The following DLC1 variants were observed in gnomAD, a reference collection of about 807,000 sequenced individuals.
DLC1 encodes the protein DLC1 Rho GTPase activating protein, also known as rho GTPase-activating protein 7.
A neutral mutation model predicts 140.3 loss-of-function variants in DLC1; 54 were observed. The observed-to-expected ratio is 0.38, with a 90% CI of 0.31 to 0.48. DLC1 has a LOEUF of 0.48. Ranked by LOEUF, DLC1 falls within the 20% of genes least tolerant of loss-of-function variation. The pLI, the probability that DLC1 is intolerant of heterozygous loss-of-function variation, is 0.96. For missense variants in DLC1, 2,536 were observed against 1,907.0 expected, an observed-to-expected ratio of 1.33 and a Z score of -6.14; for synonymous variants, 986 against 728.1, an observed-to-expected ratio of 1.35 and a Z score of -5.70.
chr8:13,518,178 G>A (rs566354160), upstream of DLC1, among the ~76,000 whole-genome samples: 9 of 152,034 alleles, frequency 5.9e-5, no homozygotes, highest in South Asian at 2.1e-4. Context: ...TGGTGATCTC[G>A]GCTCAAGGCA....
intron 2 of DLC1, among the ~76,000 whole-genome samples, chr8:13,479,802 A>AAAGAAGAAGAAGAAGAAGAAGAAGAAG (rs60625191): frequency 1.8e-4 from 10 of 57,000 alleles, no homozygotes; most frequent in Admixed American, 1.0e-3. Context: ...GAAAGAAAGA[A>AAAGAAGAAGAAGAAGAAGAAGAAGAAG]AAGAAGAAGA....
chr8:13,301,421 C>T (rs760551460), intron 5 of DLC1, among the ~76,000 whole-genome samples: 9 of 152,142 alleles, frequency 5.9e-5, no homozygotes, highest in Non-Finnish European at 1.0e-4. Flanking sequence ...AGTGATGCAG[C>T]GAGTGTCCAT....
intron 4 of DLC1, among the ~76,000 whole-genome samples, chr8:13,369,929 G>C (rs1193073835): frequency 7.0e-5 from 10 of 142,116 alleles, no homozygotes; most frequent in African/African-American, 2.6e-4. Context: ...AAAAAAAAAT[G>C]GAAAAAGGAA....
chr8:13,228,862 G>A lies in DLC1; in HGVS notation c.1348+76407C>T, dbSNP rs368072535. On this transcript the variant is annotated intron_variant, in intron 5 of 17. Coordinates refer to ENST00000276297, the MANE Select transcript of DLC1 (RefSeq NM_182643.3). ...TCATCAGCCATGCATACAGAATGGG[G>A]AATGCAAATCAAAGCTGCAAACAGA... is the stretch of plus-strand genomic sequence containing the variant. Among the ~76,000 whole-genome samples, 7 of 152,322 alleles carry A rather than the reference G, an allele frequency of 4.6e-5. No homozygotes were observed. In the South Asian group the frequency reaches 1.5e-3, roughly 32 times the overall value.
At chr8:13,472,782 A>G (rs570046593) in intron 2 of DLC1, among the ~76,000 whole-genome samples, 1 of 152,190 alleles carries the variant, frequency 6.6e-6, no homozygotes, top group Non-Finnish European at 1.5e-5. Context: ...CTGTGTTATA[A>G]CCACTAATCA....
At chr8:13,128,136 T>C (rs988142293) in intron 5 of DLC1, among the ~76,000 whole-genome samples, 16 of 152,200 alleles carry the variant, frequency 1.1e-4, no homozygotes, top group African/African-American at 3.6e-4. Flanking sequence ...GGCTTCACTT[T>C]AGAAGGATGT....
At chr8:13,506,581 G>GTGTGTGTGTGTATATATATA (rs1246764417) in intron 1 of DLC1, among the ~76,000 whole-genome samples, 23 of 131,130 alleles carry the variant, frequency 1.8e-4, no homozygotes, top group African/African-American at 6.1e-4. Context: ...GTGTGTGTGT[G>GTGTGTGTGTGTATATATATA]TATATATATA....
Position 13,506,593 on chromosome 8 carries a change from A to ATATACACG in DLC1, c.-125-6398_-125-6397insCGTGTATA, listed in dbSNP as rs1563407647. ...TGTGTGTGTGTGTGTATATATATATATATATATATATATATACACATATAT... is the reference window on the plus strand; with the variant it reads ...TGTGTGTGTGTGTGTATATATATATATATACACGTATATATATATATATACACATATAT... On this transcript the variant is annotated intron_variant, in intron 1 of 17. Transcript: ENST00000276297. Among the ~76,000 whole-genome samples the ATATACACG allele has an allele frequency of 9.1e-4, 121 of 133,658 alleles. 1 individual carries two copies. The highest frequency in any genetic ancestry group is 2.9e-3 in the African/African-American group (97 of 32,994). The allele number at this position is 133,658 out of a possible 152,430, so 87.7% of individuals were successfully genotyped here.
intron 2 of DLC1, among the ~76,000 whole-genome samples, chr8:13,489,693 C>G (rs1382881979): frequency 6.6e-6 from 1 of 152,024 alleles, no homozygotes. Flanking sequence ...AGGCTGTTGG[C>G]TTCTTTAGTT....
intron 1 of DLC1, among the ~76,000 whole-genome samples, chr8:13,565,812 C>G (rs1202659559): frequency 1.3e-5 from 2 of 152,094 alleles, no homozygotes; most frequent in Non-Finnish European, 2.9e-5. Flanking sequence ...AAGTCCATCT[C>G]TAGAGTTAAC....
At chr8:13,535,626 A>T (rs1402383030) in intron 1 of DLC1, among the ~76,000 whole-genome samples, 4 of 141,480 alleles carry the variant, frequency 2.8e-5, no homozygotes, top group Admixed American at 1.5e-4. Context: ...GCCAAAGTGG[A>T]TGGTAGCAAG....
At chr8:13,164,954 G>C (rs142130978) in intron 5 of DLC1, among the ~76,000 whole-genome samples, 2 of 152,278 alleles carry the variant, frequency 1.3e-5, no homozygotes, top group African/African-American at 4.8e-5. Flanking sequence ...TTGTGTGTGG[G>C]AGTTGAAGTA....
chr8:13,322,771 C>T (rs1833177988), intron 4 of DLC1, among the ~76,000 whole-genome samples: 3 of 152,158 alleles, frequency 2.0e-5, no homozygotes, highest in African/African-American at 7.2e-5. Context: ...TCTCATAGAG[C>T]TTGCTATGAT....
intron 5 of DLC1, among the ~76,000 whole-genome samples, chr8:13,149,481 C>A (rs1335227829): frequency 6.6e-6 from 1 of 152,180 alleles, no homozygotes; most frequent in Non-Finnish European, 1.5e-5. Context: ...CAATCCCCTG[C>A]TAATTGTCAG....
chr8:13,458,644 G>A (rs1585143904), intron 2 of DLC1, among the ~76,000 whole-genome samples: 1 of 152,154 alleles, frequency 6.6e-6, no homozygotes, highest in Non-Finnish European at 1.5e-5. Flanking sequence ...AATCACAAAT[G>A]TTGCTGTCAC....
chr8:13,259,190 A>G (rs1830383847), intron 5 of DLC1, among the ~76,000 whole-genome samples: 1 of 151,768 alleles, frequency 6.6e-6, no homozygotes, highest in African/African-American at 2.4e-5. Context: ...AATTACAATT[A>G]TGAAATACCC....
intron 5 of DLC1, among the ~76,000 whole-genome samples, chr8:13,208,286 G>T (rs1435079826): frequency 3.3e-5 from 5 of 152,098 alleles, no homozygotes; most frequent in African/African-American, 7.2e-5. Flanking sequence ...GAAATAAATT[G>T]CATGAAGCTT....
chr8:13,203,547 C>T (rs193112585), intron 5 of DLC1, among the ~76,000 whole-genome samples: 46 of 152,282 alleles, frequency 3.0e-4, no homozygotes, highest in African/African-American at 9.4e-4. Flanking sequence ...TGTGCGCAAT[C>T]CTGTCTGAAC....
At chr8:13,288,597 C>G (rs1262209914) in intron 5 of DLC1, among the ~76,000 whole-genome samples, 1 of 152,228 alleles carries the variant, frequency 6.6e-6, no homozygotes, top group African/African-American at 2.4e-5. Flanking sequence ...TCTTGAGTAT[C>G]TTACCACTTA....
Sources: gnomAD v4.1 joint callset for allele counts (sites outside exome capture counted in the v4.1 genomes callset) on GRCh38, gnomAD v4.1.1 for gene constraint, MANE v1.5 for transcripts, NCBI Gene and HGNC (gene_info 2026-07-23, HGNC 2026-07-21) for gene names.